Variants in SCAPER observed in about 807,000 individuals in gnomAD.
SCAPER encodes the protein S phase cyclin A-associated protein in the endoplasmic reticulum.
In SCAPER, 98 loss-of-function variants were observed where a neutral mutation model predicts 182.2. That is an observed-to-expected ratio of 0.54 (90% CI 0.46 to 0.64). SCAPER has a LOEUF of 0.64. Ranked by LOEUF, SCAPER falls within the 30% of genes least tolerant of loss-of-function variation. SCAPER has a pLI of 0.00. For synonymous variants in SCAPER, 605 were observed against 564.6 expected, an observed-to-expected ratio of 1.07 and a Z score of -1.01; for missense variants, 1,432 against 1,690.0, an observed-to-expected ratio of 0.85 and a Z score of 2.68.
intron 25 of SCAPER, among the ~76,000 whole-genome samples, chr15:76,464,007 CTTTTTTT>C (rs10630336): frequency 5.0e-5 from 6 of 120,356 alleles, no homozygotes; most frequent in Admixed American, 2.7e-4. Flanking sequence ...TTTCACTGGT[CTTTTTTT>C]TTTTTTTTTT....
chr15:76,366,061 AAAGAG>A (rs1039001694), intron 29 of SCAPER, among the ~76,000 whole-genome samples: 2 of 151,026 alleles, frequency 1.3e-5, no homozygotes, highest in African/African-American at 4.9e-5. Context: ...TTATTTAAGA[AAAGAG>A]AACTGATTAC....
At chr15:76,719,317 T>C (rs1314346284) in intron 17 of SCAPER, among the ~76,000 whole-genome samples, 5 of 152,186 alleles carry the variant, frequency 3.3e-5, no homozygotes, top group African/African-American at 4.8e-5. Flanking sequence ...ATCTCACTTA[T>C]ATGTGAAATC....
chr15:76,549,200 G>C (rs1019554315), intron 23 of SCAPER, among the ~76,000 whole-genome samples: 1 of 152,044 alleles, frequency 6.6e-6, no homozygotes, highest in Admixed American at 6.6e-5. Flanking sequence ...TCAGTGTGGC[G>C]ATTCCTCAGG....
chr15:76,467,280 T>G (rs1404209582), intron 25 of SCAPER, among the ~76,000 whole-genome samples: 1 of 152,126 alleles, frequency 6.6e-6, no homozygotes, highest in Non-Finnish European at 1.5e-5. Context: ...GCAGCAAGCC[T>G]CCCTGTTTTT....
At chr15:76,774,519 TAAATA>T (rs1282849371) in intron 9 of SCAPER, 2 of 297,628 alleles carry the variant, frequency 6.7e-6, no homozygotes, top group African/African-American at 4.5e-5. Flanking sequence ...TGTGGTTATA[TAAATA>T]AATGTCTTTG....
At chr15:76,360,699 C>CT (rs1356824406) in intron 29 of SCAPER, among the ~76,000 whole-genome samples, 2 of 149,772 alleles carry the variant, frequency 1.3e-5, no homozygotes, top group Admixed American at 1.3e-4. Flanking sequence ...TTTTCAAAAA[C>CT]CTATACTCTT....
chr15:76,729,652 G>A (rs943368645), intron 16 of SCAPER, among the ~76,000 whole-genome samples: 6 of 152,152 alleles, frequency 3.9e-5, no homozygotes, highest in South Asian at 2.1e-4. Context: ...GGGCTACTTA[G>A]TTACATTCTC....
intron 5 of SCAPER, among the ~76,000 whole-genome samples, chr15:76,813,249 A>AAAAAAAAAAC (rs2066805442): frequency 1.8e-4 from 11 of 60,186 alleles, no homozygotes; most frequent in South Asian, 6.0e-4. Flanking sequence ...AAAAAAAAAA[A>AAAAAAAAAAC]AAAAAACAAC....
chr15:76,593,070 G>A (rs2145697719), intron 22 of SCAPER, among the ~76,000 whole-genome samples: 1 of 121,164 alleles, frequency 8.3e-6, no homozygotes, highest in African/African-American at 2.5e-5. Context: ...AATATCCACT[G>A]GCTTGAAATT....
At chr15:76,683,213 T>C (rs765687509) in intron 20 of SCAPER, among the ~76,000 whole-genome samples, 4 of 151,106 alleles carry the variant, frequency 2.6e-5, no homozygotes, top group African/African-American at 9.7e-5. Flanking sequence ...AAAAAAAAAA[T>C]TGATCTGATA....
At chr15:76,697,786 C>T (rs1023250190) in intron 20 of SCAPER, among the ~76,000 whole-genome samples, 13 of 152,054 alleles carry the variant, frequency 8.5e-5, no homozygotes, top group South Asian at 6.2e-4. Flanking sequence ...ATTACAGGCG[C>T]GCGTCACCAT....
At chr15:76,867,413 C>A (rs1219720674) in intron 2 of SCAPER, among the ~76,000 whole-genome samples, 1 of 152,126 alleles carries the variant, frequency 6.6e-6, no homozygotes, top group East Asian at 1.9e-4. Flanking sequence ...CCTGAGAAAC[C>A]ATGTAACTAG....
intron 5 of SCAPER, among the ~76,000 whole-genome samples, chr15:76,839,005 T>C (rs1276448203): frequency 6.6e-6 from 1 of 152,184 alleles, no homozygotes; most frequent in African/African-American, 2.4e-5. Context: ...AAGGGAAATG[T>C]AGGGGTGATG....
chr15:76,720,988 G>A (rs939520811), intron 17 of SCAPER, among the ~76,000 whole-genome samples: 4 of 152,164 alleles, frequency 2.6e-5, no homozygotes, highest in African/African-American at 9.7e-5. Context: ...TTTTAGACAT[G>A]AAGTCCTTGC....
At chr15:76,441,351 C>G (rs1354520361) in intron 25 of SCAPER, among the ~76,000 whole-genome samples, 3 of 152,132 alleles carry the variant, frequency 2.0e-5, no homozygotes, top group Non-Finnish European at 4.4e-5. Flanking sequence ...AGCCAAAATC[C>G]TAACAAGATA....
rs531889450 is a variant in SCAPER, at chr15:76,426,543, A to AT, written c.3311+7534dup. Among the ~76,000 whole-genome samples the AT allele has an allele frequency of 1.5e-4, 23 of 151,894 alleles. No individual in the cohort carries two copies. In the South Asian group the frequency reaches 2.1e-3, roughly 14 times the overall value. On this transcript the variant is annotated intron_variant, in intron 26 of 31. Coordinates refer to ENST00000563290, the MANE Select transcript of SCAPER (RefSeq NM_020843.4). Reference sequence around the variant, plus strand: ...TTGGCCATCTTGGAACTGCCCGAGAATTTTTTTTTATAAAAAGAAAGAGGG... The same window carrying AT: ...TTGGCCATCTTGGAACTGCCCGAGAATTTTTTTTTTATAAAAAGAAAGAGGG...
intron 22 of SCAPER, among the ~76,000 whole-genome samples, chr15:76,596,057 C>T (rs2145730551): frequency 8.3e-6 from 1 of 121,122 alleles, no homozygotes; most frequent in African/African-American, 2.5e-5. Context: ...AGATGGACCA[C>T]TAGCCAGACT....
At chr15:76,579,289 A>AAAAAAAG (rs60204833) in intron 22 of SCAPER, among the ~76,000 whole-genome samples, 1 of 150,138 alleles carries the variant, frequency 6.7e-6, no homozygotes, top group Non-Finnish European at 1.5e-5. Flanking sequence ...AAAAAAAAAA[A>AAAAAAAG]TAGTAACTAC....
intron 1 of SCAPER, among the ~76,000 whole-genome samples, chr15:76,886,705 T>G (rs915889351): frequency 6.6e-6 from 1 of 152,210 alleles, no homozygotes; most frequent in South Asian, 2.1e-4. Context: ...TACACCTGTA[T>G]GCGCATTGCA....
Sources: allele counts gnomAD v4.1 joint callset (sites outside exome capture counted in the v4.1 genomes callset), GRCh38; gene constraint gnomAD v4.1.1; transcripts MANE v1.5; gene names NCBI Gene and HGNC (gene_info 2026-07-23, HGNC 2026-07-21).